The following NFIX variants were observed in gnomAD, a reference collection of about 807,000 sequenced individuals.
NFIX encodes the protein nuclear factor 1 X-type.
Under a neutral mutation model 53.3 loss-of-function variants are expected in NFIX, and 2 were observed. The observed-to-expected ratio is 0.04, with a 90% CI of 0.02 to 0.12. The LOEUF is 0.12. Among genes scored for constraint, NFIX ranks in the 10% least tolerant of loss-of-function variants. The probability of loss-of-function intolerance (pLI) is 1.00; values close to 1 mark genes in which losing one functional copy is unlikely to be tolerated. For synonymous variants in NFIX, 244 were observed against 289.0 expected (o/e 0.84, Z 1.58); for missense variants, 310 against 674.5 (o/e 0.46, Z 5.99).
Position 12,996,004 on chromosome 19 carries a change from C to T in NFIX, c.27+140C>T, listed in dbSNP as rs568353373. 80 of 215,762 alleles carry T rather than the reference C, an allele frequency of 3.7e-4. No individual in the cohort carries two copies. The highest frequency in any genetic ancestry group is 1.8e-3 in the African/African-American group (75 of 42,356). 13.4% of individuals were successfully genotyped at this position (215,762 alleles called of 1,614,324 possible). On this transcript the variant is annotated intron_variant, in intron 1 of 10. Transcript: ENST00000592199. This position sits in a 1 kb window ranked among gnomAD's most constrained non-coding sequence, Gnocchi z 5.2. The stretch of plus-strand genomic sequence containing the variant: ...GGCCGCCGAGGGGTGCAGGCTGTGC[C>T]GCGGGGAGCCCAGGCACGCGTGCGG...
At position 13,092,652 on chromosome 19, in the gene NFIX, C is replaced by T. The variant is rs558966397; in HGVS notation, c.1495-1983C>T. ...CCAGAGTCAGCCTCCCCCTCAACCT[C>T]GGGGCAATGGCACAGGGTTCCTGTA... On this transcript the variant is annotated intron_variant, in intron 10 of 10. Transcript: ENST00000592199. Among the ~76,000 whole-genome samples, 19 of 152,344 alleles carry T rather than the reference C, an allele frequency of 1.2e-4. No homozygotes were observed. The East Asian group carries it at 2.9e-3, about 23-fold the overall frequency.
intron 2 of NFIX, among the ~76,000 whole-genome samples, chr19:13,042,221 G>A (rs4926298): frequency 0.49 from 73,801 of 151,810 alleles, 20,811 homozygotes; most frequent in African/African-American, 0.77. Context: ...ATCTTTTCTT[G>A]TTAGCTGCAT....
At chr19:13,087,912 C>A in intron 8 of NFIX, 77 bp from the exon 9 acceptor site, 1 of 1,511,312 alleles carries the variant, frequency 6.6e-7, no homozygotes, top group Non-Finnish European at 8.9e-7. Context: ...CAGGAGCGAG[C>A]TGGCGCGGCC....
intron 1 of NFIX, among the ~76,000 whole-genome samples, chr19:13,016,550 T>C (rs1460216471): frequency 6.6e-6 from 1 of 152,048 alleles, no homozygotes; most frequent in African/African-American, 2.4e-5. Context: ...TCTTCTTTTT[T>C]TTCTGCACAC....
chr19:13,010,045 C>T (rs963229302), intron 1 of NFIX, among the ~76,000 whole-genome samples: 3 of 152,196 alleles, frequency 2.0e-5, no homozygotes, highest in African/African-American at 7.2e-5. Flanking sequence ...AGGGGCCCTC[C>T]GAGGTCCAGG....
chr19:13,041,969 G>C (rs1357657556), intron 2 of NFIX, among the ~76,000 whole-genome samples: 1 of 150,614 alleles, frequency 6.6e-6, no homozygotes, highest in African/African-American at 2.4e-5. Flanking sequence ...GCAATCTCAG[G>C]TCGCTGCAAG....
intron 2 of NFIX, among the ~76,000 whole-genome samples, chr19:13,050,056 C>G (rs1178625039): frequency 1.3e-5 from 2 of 152,166 alleles, no homozygotes; most frequent in Non-Finnish European, 1.5e-5. Context: ...GTTTTGGATT[C>G]TCTAGGGTAT....
intron 6 of NFIX, among the ~76,000 whole-genome samples, chr19:13,076,192 T>A (rs1478369306): frequency 6.6e-6 from 1 of 151,998 alleles, no homozygotes; most frequent in Non-Finnish European, 1.5e-5. Flanking sequence ...TGGGATGGAA[T>A]CCTCCCAGGA....
At position 13,036,404 on chromosome 19, in the gene NFIX, T is replaced by G. The variant is rs1210053711; in HGVS notation, c.559+10852T>G. On this transcript the variant is annotated intron_variant, in intron 2 of 10. Transcript: ENST00000592199. This position sits in a 1 kb window ranked among gnomAD's most constrained non-coding sequence, Gnocchi z 4.7. ...CCTCTCCAGGCCAGGGGTGGGGCTGTGGAAATGAGAAACCGGACGAGACAG... is the reference window on the plus strand; with the variant it reads ...CCTCTCCAGGCCAGGGGTGGGGCTGGGGAAATGAGAAACCGGACGAGACAG... Among the ~76,000 whole-genome samples the G allele has an allele frequency of 2.0e-5, 3 of 151,394 alleles. No homozygotes were observed. Among genetic ancestry groups the G allele is most frequent in the African/African-American group, 7.3e-5 (3 of 41,130 alleles).
At position 13,096,844 on chromosome 19, in the gene NFIX, C is replaced by G. The variant is rs1278305227; in HGVS notation, c.*2195C>G. ...CCAGCTGGGCCCGGGCCGGAGCGTG[C>G]CCGGCGGGGCTGCCCGGGCGGGCAG... On this transcript the variant is annotated 3_prime_UTR_variant, in exon 11 of 11. Transcript: ENST00000592199. 1 of 151,322 alleles carries G rather than the reference C, an allele frequency of 6.6e-6. No individual in the cohort carries two copies. The highest frequency in any genetic ancestry group is 2.4e-5 in the African/African-American group (1 of 41,210). 9.4% of individuals were successfully genotyped at this position (151,322 alleles called of 1,614,324 possible).
At chr19:13,041,521 G>A (rs1042694055) in intron 2 of NFIX, among the ~76,000 whole-genome samples, 5 of 152,066 alleles carry the variant, frequency 3.3e-5, no homozygotes, top group African/African-American at 7.2e-5. Context: ...ATACTGCAGG[G>A]CGCAGTGGCT....
intron 2 of NFIX, among the ~76,000 whole-genome samples, chr19:13,035,302 T>C (rs370656089): frequency 1.3e-3 from 195 of 152,332 alleles, no homozygotes; most frequent in Non-Finnish European, 2.4e-3. Context: ...CTGAAGCAGT[T>C]TGGGGGCTTT....
At chr19:13,091,694 G>A (rs576761399) in intron 10 of NFIX, among the ~76,000 whole-genome samples, 4 of 152,276 alleles carry the variant, frequency 2.6e-5, no homozygotes, top group East Asian at 3.9e-4. Flanking sequence ...TGGCAGAGGC[G>A]GGAGGGGGTG....
At chr19:13,061,082 AC>A (rs33987685) in intron 2 of NFIX, among the ~76,000 whole-genome samples, 46,994 of 136,180 alleles carry the variant, frequency 0.35, 5,162 homozygotes, top group East Asian at 0.49. Context: ...GTGGCCTTAG[AC>A]CCCCCCCTCC....
intron 2 of NFIX, among the ~76,000 whole-genome samples, chr19:13,069,333 T>C (rs1263626515): frequency 6.6e-6 from 1 of 152,016 alleles, no homozygotes; most frequent in African/African-American, 2.4e-5. Flanking sequence ...CCCAGAAGAC[T>C]GGGGAATCAG....
intron 2 of NFIX, among the ~76,000 whole-genome samples, chr19:13,035,687 A>C (rs1042903941): frequency 6.6e-6 from 1 of 152,160 alleles, no homozygotes; most frequent in Non-Finnish European, 1.5e-5. Flanking sequence ...TCCCCAAACT[A>C]CTGTCCTGTG....
rs758907567 is a variant in NFIX at position 13,094,677 on chromosome 19, GAGA to G, written c.*35_*37del. The G allele has an allele frequency of 1.0e-4, 156 of 1,534,688 alleles. No homozygotes were observed. Among genetic ancestry groups the G allele is most frequent in the Middle Eastern group, 6.7e-4 (4 of 5,972 alleles). ...AGATCGACAAAAGAAACAACAAAATGAGAAGAAGAGGTTCCTCGAAAGGGGGGA... is the reference window on the plus strand; with the variant it reads ...AGATCGACAAAAGAAACAACAAAATGAGAAGAGGTTCCTCGAAAGGGGGGA... On this transcript the variant is annotated 3_prime_UTR_variant, in exon 11 of 11. Coordinates refer to ENST00000592199, the MANE Select transcript of NFIX (RefSeq NM_001365902.3). The surrounding 1 kb of genome is among the most constrained non-coding windows in gnomAD (Gnocchi z 4.3).
At chr19:13,054,981 C>A (rs756045484) in intron 2 of NFIX, among the ~76,000 whole-genome samples, 1 of 152,106 alleles carries the variant, frequency 6.6e-6, no homozygotes, top group Non-Finnish European at 1.5e-5. Context: ...GAGCTTTTTA[C>A]AAGCTGGCGG....
At chr19:13,033,234 A>AG (rs1464636258) in intron 2 of NFIX, among the ~76,000 whole-genome samples, 1 of 152,188 alleles carries the variant, frequency 6.6e-6, no homozygotes, top group African/African-American at 2.4e-5. Context: ...GCGTTAGAAT[A>AG]GGGTCCCAGG....
Sources: allele counts gnomAD v4.1 joint callset (sites outside exome capture counted in the v4.1 genomes callset), GRCh38; gene constraint gnomAD v4.1.1; non-coding constraint Gnocchi (gnomAD v3.1); transcripts MANE v1.5; gene names NCBI Gene and HGNC (gene_info 2026-07-23, HGNC 2026-07-21).